Variants in HDAC9 observed in about 807,000 individuals in gnomAD.
HDAC9 encodes the protein histone deacetylase 9.
A neutral mutation model predicts 139.4 loss-of-function variants in HDAC9; 41 were observed. The ratio of observed to expected loss-of-function variants is 0.29; its 90% CI spans 0.23 to 0.38. The LOEUF is 0.38. Ranked by LOEUF, HDAC9 falls within the 10% of genes least tolerant of loss-of-function variation. The pLI is 1.00. For synonymous variants in HDAC9, 517 were observed against 476.2 expected (o/e 1.09, Z -1.12); for missense variants, 1,147 against 1,297.0 (o/e 0.88, Z 1.78).
chr7:18,559,954 T>C (rs1820083484), intron 2 of HDAC9, among the ~76,000 whole-genome samples: 1 of 152,212 alleles, frequency 6.6e-6, no homozygotes, highest in Admixed American at 6.5e-5. Flanking sequence ...ATATTTGTTT[T>C]GATTACTCAT....
chr7:18,810,990 A>C (rs1046099615), intron 17 of HDAC9, among the ~76,000 whole-genome samples: 1 of 151,848 alleles, frequency 6.6e-6, no homozygotes, highest in South Asian at 2.1e-4. Context: ...ATGTGGGTAA[A>C]TGCCTAGCAG....
chr7:18,686,751 T>C (rs1176790338), intron 12 of HDAC9, among the ~76,000 whole-genome samples: 1 of 151,814 alleles, frequency 6.6e-6, no homozygotes, highest in Non-Finnish European at 1.5e-5. Flanking sequence ...CTTTTTCCTC[T>C]TCTCCGTACA....
At chr7:18,745,889 T>TC (rs944230204) in intron 13 of HDAC9, among the ~76,000 whole-genome samples, 86 of 141,112 alleles carry the variant, frequency 6.1e-4, no homozygotes, top group Non-Finnish European at 1.0e-3. Context: ...TCTTCTTTTT[T>TC]TTTTTTTTTT....
chr7:18,443,739 A>G (rs547263558), intron 1 of HDAC9, among the ~76,000 whole-genome samples: 1 of 152,168 alleles, frequency 6.6e-6, no homozygotes, highest in South Asian at 2.1e-4. Context: ...GGATGACAGT[A>G]GAACCCGTTT....
chr7:18,393,954 T>C (rs181747697), intron 1 of HDAC9, among the ~76,000 whole-genome samples: 2 of 152,326 alleles, frequency 1.3e-5, no homozygotes, highest in Admixed American at 1.3e-4. Context: ...TTCATAGACA[T>C]GTCTCAGTGA....
intron 2 of HDAC9, among the ~76,000 whole-genome samples, chr7:18,187,740 A>G (rs1790027085): frequency 6.6e-6 from 1 of 152,182 alleles, no homozygotes; most frequent in African/African-American, 2.4e-5. Context: ...GCACAAATCT[A>G]ATTATGTAAT....
intron 8 of HDAC9, among the ~76,000 whole-genome samples, chr7:18,644,397 A>T (rs1786696643): frequency 6.6e-6 from 1 of 152,142 alleles, no homozygotes; most frequent in Non-Finnish European, 1.5e-5. Context: ...TCAGCAGATG[A>T]CAAACATGCT....
intron 16 of HDAC9, among the ~76,000 whole-genome samples, chr7:18,777,923 C>A (rs912934017): frequency 4.6e-5 from 7 of 152,060 alleles, no homozygotes; most frequent in Middle Eastern, 6.8e-3. Flanking sequence ...CCAATGATAA[C>A]CTGCCTCAAT....
chr7:18,642,766 G>A (rs920588381), intron 8 of HDAC9, among the ~76,000 whole-genome samples: 1 of 152,082 alleles, frequency 6.6e-6, no homozygotes, highest in Admixed American at 6.6e-5. Flanking sequence ...TTACGTCTGA[G>A]AAGATAATCT....
intron 25 of HDAC9, among the ~76,000 whole-genome samples, chr7:18,995,284 C>T (rs1786371361): frequency 6.6e-6 from 1 of 152,138 alleles, no homozygotes; most frequent in Admixed American, 6.6e-5. Context: ...ATCCAACTAC[C>T]TCATGTATTT....
chr7:18,564,578 C>T (rs778847141), intron 2 of HDAC9, among the ~76,000 whole-genome samples: 56 of 152,156 alleles, frequency 3.7e-4, no homozygotes, highest in Non-Finnish European at 7.1e-4. Context: ...AGAAGATGTC[C>T]ATTTTTATTT....
At chr7:18,978,936 T>TTG (rs200796967) in intron 25 of HDAC9, among the ~76,000 whole-genome samples, 1 of 152,072 alleles carries the variant, frequency 6.6e-6, no homozygotes, top group African/African-American at 2.4e-5. Flanking sequence ...CTTGGTGACT[T>TTG]TGTGTGTGTG....
At chr7:18,353,790 A>G (rs1379358060) in intron 1 of HDAC9, among the ~76,000 whole-genome samples, 1 of 152,212 alleles carries the variant, frequency 6.6e-6, no homozygotes, top group Non-Finnish European at 1.5e-5. Context: ...TAGCAGGTAC[A>G]CAACTTTTTA....
intron 2 of HDAC9, among the ~76,000 whole-genome samples, chr7:18,244,614 T>C (rs302143): frequency 0.97 from 148,183 of 152,184 alleles, 72,166 homozygotes; most frequent in East Asian, 1. Flanking sequence ...CTTGCTAACA[T>C]GGTGAAACCC....
intron 1 of HDAC9, among the ~76,000 whole-genome samples, chr7:18,378,409 A>G (rs898768908): frequency 6.6e-6 from 1 of 152,026 alleles, no homozygotes; most frequent in African/African-American, 2.4e-5. Flanking sequence ...ATACTTAGAA[A>G]CTACATTTAT....
At chr7:18,675,391 G>C (rs1781436164) in intron 12 of HDAC9, among the ~76,000 whole-genome samples, 1 of 152,044 alleles carries the variant, frequency 6.6e-6, no homozygotes, top group African/African-American at 2.4e-5. Flanking sequence ...TTACTGGTTT[G>C]TTAAATGTGG....
chr7:18,859,747 ATTT>A (rs908528939), intron 21 of HDAC9, among the ~76,000 whole-genome samples: 2 of 140,942 alleles, frequency 1.4e-5, no homozygotes, highest in African/African-American at 5.2e-5. Flanking sequence ...CTTTTTCCTT[ATTT>A]TTATGCCTAC....
intron 25 of HDAC9, among the ~76,000 whole-genome samples, chr7:18,984,136 G>A (rs1361491090): frequency 2.6e-5 from 4 of 152,026 alleles, no homozygotes; most frequent in African/African-American, 4.8e-5. Flanking sequence ...ATTCCTTTAT[G>A]TTTTCTCCTG....
intron 22 of HDAC9, among the ~76,000 whole-genome samples, chr7:18,875,344 A>G (rs1799241449): frequency 1.3e-5 from 2 of 152,312 alleles, no homozygotes; most frequent in Non-Finnish European, 2.9e-5. Context: ...AAAAAGTAAA[A>G]TTACACAAAG....
Sources: allele counts gnomAD v4.1 joint callset (sites outside exome capture counted in the v4.1 genomes callset), GRCh38; gene constraint gnomAD v4.1.1; transcripts MANE v1.5; gene names NCBI Gene and HGNC (gene_info 2026-07-23, HGNC 2026-07-21).